Variants in AHRR observed in about 807,000 individuals in gnomAD.
AHRR encodes the protein aryl hydrocarbon receptor repressor, also known as ahR repressor.
AHRR carries 28 observed loss-of-function variants against 44.0 expected under a neutral mutation model. That is an observed-to-expected ratio of 0.64 (90% CI 0.47 to 0.87). The LOEUF is 0.87. Ranked by LOEUF, AHRR falls within the 40% of genes least tolerant of loss-of-function variation. AHRR has a pLI of 0.00. For synonymous variants in AHRR, 434 were observed against 407.0 expected (o/e 1.07, Z -0.80); for missense variants, 990 against 953.9 (o/e 1.04, Z -0.50).
chr5:339,988 T>C (rs1352050694), intron 1 of AHRR, among the ~76,000 whole-genome samples: 2 of 152,236 alleles, frequency 1.3e-5, no homozygotes, highest in Non-Finnish European at 2.9e-5. Flanking sequence ...TATGTTCATG[T>C]GGGATGCTGG....
intron 1 of AHRR, among the ~76,000 whole-genome samples, chr5:335,522 G>T (rs1653592748): frequency 6.6e-6 from 1 of 152,198 alleles, no homozygotes; most frequent in Non-Finnish European, 1.5e-5. Flanking sequence ...TGGGGAAGGG[G>T]GATGCTGGGC....
chr5:369,030 T>C (rs1349505752), intron 3 of AHRR, among the ~76,000 whole-genome samples: 1 of 152,242 alleles, frequency 6.6e-6, no homozygotes, highest in Non-Finnish European at 1.5e-5. Context: ...CCTGATGCTT[T>C]TTCTAGCTTA....
intron 4 of AHRR, among the ~76,000 whole-genome samples, chr5:385,486 T>C (rs1057127222): frequency 6.6e-6 from 1 of 152,204 alleles, no homozygotes; most frequent in Non-Finnish European, 1.5e-5. Context: ...CGCCTCCATT[T>C]GTGGTGAATA....
chr5:427,985 C>G lies in AHRR; in HGVS notation c.887C>G (p.Thr296Ser). 1 of 1,613,932 alleles carries G rather than the reference C, an allele frequency of 6.2e-7. No individual in the cohort carries two copies. The highest frequency in any genetic ancestry group is 8.5e-7 in the Non-Finnish European group (1 of 1,180,020). ...CTGAGGGCAAAACCCAGAGCAGACA[C>G]CGCAGCCACCGCGGATGCAAAGTGA... The part of the protein sequence containing the change: ...ALLRAKPRAD[T>S]AATADAKVKA... Residue 296 changes from threonine to serine, a missense_variant, in exon 8 of 11, where the codon ACC becomes AGC. Thr to Ser is a moderately conservative substitution (Grantham distance 58, BLOSUM62 1). Transcript: ENST00000684583.
At chr5:399,799 C>T (rs140644617) in intron 4 of AHRR, among the ~76,000 whole-genome samples, 220 of 152,312 alleles carry the variant, frequency 1.4e-3, no homozygotes, top group Non-Finnish European at 2.5e-3. Flanking sequence ...TCTAGGGCCC[C>T]GGGGCTTCAG....
At chr5:392,904 G>C (rs530386205) in intron 4 of AHRR, among the ~76,000 whole-genome samples, 1 of 151,968 alleles carries the variant, frequency 6.6e-6, no homozygotes, top group Non-Finnish European at 1.5e-5. Flanking sequence ...TTTCCTTCTC[G>C]GTGTAGGTGC....
At chr5:429,258 GGCTGGGCC>G (rs1315916816) in intron 8 of AHRR, among the ~76,000 whole-genome samples, 5 of 151,366 alleles carry the variant, frequency 3.3e-5, no homozygotes, top group Admixed American at 6.6e-5. Context: ...AGTGAGGTAG[GGCTGGGCC>G]GCCAGGATGC....
At chr5:432,751 C>G in intron 9 of AHRR, 55 bp from the exon 10 acceptor site, 1 of 1,613,476 alleles carries the variant, frequency 6.2e-7, no homozygotes, top group Non-Finnish European at 8.5e-7. Flanking sequence ...AACCGTCTTC[C>G]AGGAGCTCCT....
chr5:434,557 G>A lies in AHRR; in HGVS notation c.1817G>A (p.Arg606Lys). 1 of 1,599,186 alleles carries A rather than the reference G, an allele frequency of 6.3e-7. No homozygotes were observed. Among genetic ancestry groups the A allele is most frequent in the Non-Finnish European group, 8.5e-7 (1 of 1,173,292 alleles). ...GGGAGGGCCACTGCTGGGCGCAGCA[G>A]GGAGCTGACCCCTTTCCACCCTGCA... is the stretch of plus-strand genomic sequence containing the variant. ...PHGRATAGRS[R>K]ELTPFHPAHC... Residue 606 changes from arginine to lysine, a missense_variant, in exon 11 of 11, where the codon AGG becomes AAG. Arg to Lys is a conservative substitution (Grantham distance 26, BLOSUM62 2). Coordinates refer to ENST00000684583, the MANE Select transcript of AHRR (RefSeq NM_001377236.1).
intron 3 of AHRR, among the ~76,000 whole-genome samples, chr5:359,875 CA>C (rs1743117019): frequency 6.6e-6 from 1 of 152,156 alleles, no homozygotes. Flanking sequence ...GCTAGCAGGT[CA>C]AAAGTTCCAT....
intron 4 of AHRR, among the ~76,000 whole-genome samples, chr5:399,626 G>A (rs1344346665): frequency 2.0e-5 from 3 of 152,196 alleles, no homozygotes; most frequent in Non-Finnish European, 4.4e-5. Flanking sequence ...GGCCCAGAGA[G>A]GTGAATTAAC....
intron 5 of AHRR, among the ~76,000 whole-genome samples, chr5:420,322 G>A (rs894875427): frequency 3.3e-5 from 5 of 152,226 alleles, no homozygotes; most frequent in African/African-American, 1.2e-4. Context: ...AATTAACAGA[G>A]CCCAACGAAG....
chr5:352,593 T>G (rs1278303301), intron 2 of AHRR, among the ~76,000 whole-genome samples: 607 of 76,638 alleles, frequency 7.9e-3, no homozygotes, highest in Admixed American at 0.014. Context: ...TCACTCTGAG[T>G]TTAAATGGGT....
intron 3 of AHRR, among the ~76,000 whole-genome samples, chr5:369,788 C>G (rs553204855): frequency 3.9e-5 from 6 of 152,362 alleles, no homozygotes; most frequent in Admixed American, 1.3e-4. Flanking sequence ...TTGTGGCCAT[C>G]AAGAATCACT....
intron 7 of AHRR, 74 bp downstream of exon 7, chr5:424,051 A>T (rs570284122): frequency 6.6e-7 from 1 of 1,525,062 alleles, no homozygotes; most frequent in Admixed American, 1.9e-5. Context: ...AAGGAAACAG[A>T]GGGCAAGAGG....
Position 418,523 on chromosome 5 carries a change from G to A in AHRR, c.442-4206G>A, listed in dbSNP as rs762192727. 5.3e-5 allele frequency among the ~76,000 whole-genome samples: 8 copies of A among 152,098 alleles called. No homozygotes were observed. The East Asian group carries it at 9.6e-4, about 18-fold the overall frequency. Reference sequence around the variant, plus strand: ...TCGGTTCAGCAGCAGACCCTTTCTCGCCTGTTGATTCCCTTTTGTTACCTG... The same window carrying A: ...TCGGTTCAGCAGCAGACCCTTTCTCACCTGTTGATTCCCTTTTGTTACCTG... On this transcript the variant is annotated intron_variant, in intron 5 of 10. Coordinates refer to ENST00000684583, the MANE Select transcript of AHRR (RefSeq NM_001377236.1).
chr5:422,680 C>G (rs1171614715), intron 5 of AHRR, 49 bp from the exon 6 acceptor site: 1 of 1,613,746 alleles, frequency 6.2e-7, no homozygotes, highest in East Asian at 2.2e-5. Context: ...AATAAAGTGT[C>G]TAAAGCCACT....
At position 388,285 on chromosome 5, in the gene AHRR, C is replaced by T. The variant is rs1323366216; in HGVS notation, c.351+11569C>T. ...GGCCTCCCCCCGTCCCGAACCCAAG[C>T]CCTGAACTGCTGTCGTACACAGGGC... On this transcript the variant is annotated intron_variant, in intron 4 of 10. Transcript: ENST00000684583. This position sits in a 1 kb window ranked among gnomAD's most constrained non-coding sequence, Gnocchi z 5.2. Among the ~76,000 whole-genome samples, 5 of 152,232 alleles carry T rather than the reference C, an allele frequency of 3.3e-5. No individual in the cohort carries two copies. Among genetic ancestry groups the T allele is most frequent in the Non-Finnish European group, 7.3e-5 (5 of 68,042 alleles).
chr5:425,361 C>G (rs1456439080), intron 7 of AHRR, among the ~76,000 whole-genome samples: 3 of 152,182 alleles, frequency 2.0e-5, no homozygotes, highest in Non-Finnish European at 4.4e-5. Flanking sequence ...CTCTGTCACC[C>G]AGGCTGGAGT....
Sources: allele counts gnomAD v4.1 joint callset (sites outside exome capture counted in the v4.1 genomes callset), GRCh38; gene constraint gnomAD v4.1.1; non-coding constraint Gnocchi (gnomAD v3.1); transcripts MANE v1.5; gene names NCBI Gene and HGNC (gene_info 2026-07-23, HGNC 2026-07-21).